The following FBXO4 variants were observed in gnomAD, a reference collection of about 807,000 sequenced individuals.
The protein encoded by FBXO4 is F-box protein 4, also known as F-box only protein 4.
FBXO4 carries 36 observed loss-of-function variants against 43.7 expected under a neutral mutation model. The ratio of observed to expected loss-of-function variants is 0.82; its 90% CI spans 0.63 to 1.09. The LOEUF is 1.09. FBXO4 is among the 50% of genes least tolerant of loss of function. The pLI is 0.00. For synonymous variants in FBXO4, 180 were observed against 165.6 expected (o/e 1.09, Z -0.67); for missense variants, 435 against 474.1 (o/e 0.92, Z 0.77).
downstream of FBXO4, among the ~76,000 whole-genome samples, chr5:41,943,182 A>T (rs1481373460): frequency 6.6e-6 from 1 of 152,156 alleles, no homozygotes; most frequent in African/African-American, 2.4e-5. Context: ...AAATCCTCTT[A>T]TCCAAGTTAA....
intron 1 of FBXO4, 145 bp from the exon 2 acceptor site, chr5:41,926,868 T>C: frequency 1.9e-6 from 1 of 512,986 alleles, no homozygotes; most frequent in Non-Finnish European, 3.4e-6. Flanking sequence ...AGGAAAATAA[T>C]AGATTTAATT....
the FBXO4 span, among the ~76,000 whole-genome samples, chr5:41,999,503 A>ACGTATATATATG: frequency 8.4e-4 from 57 of 67,518 alleles, no homozygotes; most frequent in African/African-American, 3.9e-3. Context: ...ACATATATAT[A>ACGTATATATATG]TGTGTATATA....
the FBXO4 span, among the ~76,000 whole-genome samples, chr5:41,972,391 G>C: frequency 2.6e-5 from 4 of 152,026 alleles, no homozygotes; most frequent in African/African-American, 7.2e-5. Flanking sequence ...AGCTAACAAG[G>C]GAGGTGAAAG....
the FBXO4 span, among the ~76,000 whole-genome samples, chr5:41,988,941 G>T: frequency 6.6e-6 from 1 of 152,148 alleles, no homozygotes; most frequent in Non-Finnish European, 1.5e-5. Context: ...GCTGTGGAAA[G>T]CACTTAACCA....
At chr5:42,031,431 G>A in the FBXO4 span, among the ~76,000 whole-genome samples, 1 of 148,332 alleles carries the variant, frequency 6.7e-6, no homozygotes, top group Admixed American at 6.8e-5. Context: ...GACACAGGAA[G>A]GGGAACATCA....
At chr5:41,981,160 T>C in the FBXO4 span, among the ~76,000 whole-genome samples, 9 of 152,096 alleles carry the variant, frequency 5.9e-5, no homozygotes, top group Non-Finnish European at 1.2e-4. Flanking sequence ...CCTGTATATA[T>C]AATTTAAAAT....
the FBXO4 span, chr5:41,968,022 C>A: frequency 2.4e-6 from 1 of 416,156 alleles, no homozygotes; most frequent in South Asian, 1.9e-5. Context: ...GCTCCTCCAC[C>A]TCCTGCCGCA....
chr5:42,002,936 G>A, the FBXO4 span, among the ~76,000 whole-genome samples: 1 of 152,146 alleles, frequency 6.6e-6, no homozygotes, highest in East Asian at 1.9e-4. Context: ...TTGCATTTTG[G>A]CTTATAAAGC....
chr5:42,015,967 A>G, the FBXO4 span, among the ~76,000 whole-genome samples: 1 of 152,158 alleles, frequency 6.6e-6, no homozygotes, highest in Non-Finnish European at 1.5e-5. Flanking sequence ...GGATGTGCTT[A>G]GGGAGTCAGG....
At chr5:42,014,444 CTAAT>C in the FBXO4 span, among the ~76,000 whole-genome samples, 1 of 152,132 alleles carries the variant, frequency 6.6e-6, no homozygotes, top group African/African-American at 2.4e-5. Flanking sequence ...ACATGCATCC[CTAAT>C]TGAGAACAAT....
chr5:41,963,446 G>C, the FBXO4 span, among the ~76,000 whole-genome samples: 7 of 152,118 alleles, frequency 4.6e-5, no homozygotes, highest in South Asian at 4.2e-4. Context: ...CTTGAACAAC[G>C]TGAGGGTTAG....
At chr5:42,037,701 A>T in the FBXO4 span, among the ~76,000 whole-genome samples, 2 of 152,106 alleles carry the variant, frequency 1.3e-5, no homozygotes, top group East Asian at 3.9e-4. Flanking sequence ...AACTACTGAC[A>T]TCCACTGGTC....
At chr5:42,015,451 C>A in the FBXO4 span, among the ~76,000 whole-genome samples, 1 of 152,174 alleles carries the variant, frequency 6.6e-6, no homozygotes, top group East Asian at 1.9e-4. Context: ...ATAGAGGGGA[C>A]TTTGTCTTCT....
chr5:41,955,233 A>G, the FBXO4 span, among the ~76,000 whole-genome samples: 4 of 152,322 alleles, frequency 2.6e-5, no homozygotes, highest in East Asian at 5.8e-4. Context: ...AATTCAATAT[A>G]TCATATAGAA....
intron 5 of FBXO4, chr5:41,934,835 G>C (rs1751807766): frequency 1.0e-5 from 10 of 988,010 alleles, no homozygotes; most frequent in Non-Finnish European, 1.2e-5. Context: ...TTGCCATTCA[G>C]AATGCTATTT....
At chr5:41,972,673 T>C in the FBXO4 span, among the ~76,000 whole-genome samples, 1 of 152,114 alleles carries the variant, frequency 6.6e-6, no homozygotes, top group Admixed American at 6.5e-5. Context: ...AACTTCAAAC[T>C]ATACTACAAG....
chr5:41,933,392 T>C (rs942988895), intron 3 of FBXO4, among the ~76,000 whole-genome samples: 2 of 152,114 alleles, frequency 1.3e-5, no homozygotes, highest in Non-Finnish European at 2.9e-5. Context: ...TTGTTTTGTA[T>C]TTTTTGTAGA....
At chr5:41,942,790 A>G (rs974927067), downstream of FBXO4, among the ~76,000 whole-genome samples, 2 of 152,150 alleles carry the variant, frequency 1.3e-5, no homozygotes, top group African/African-American at 4.8e-5. Flanking sequence ...TATTTGCAGC[A>G]TGAGATATAA....
rs193062662 is a variant in FBXO4 at position 41,939,912 on chromosome 5, C to T, written c.1074+296C>T. On this transcript the variant is annotated intron_variant, in intron 6 of 6. Coordinates refer to ENST00000281623, the MANE Select transcript of FBXO4 (RefSeq NM_012176.3). ...TTGCTCAGGCTGGAGTGCAGTGGCA[C>T]GATCACAGCTTGCTGCAACCTCAAC... Among the ~76,000 whole-genome samples the T allele has an allele frequency of 4.1e-3, 568 of 137,036 alleles. 5 individuals carry two copies. The highest frequency in any genetic ancestry group is 0.014 in the African/African-American group (520 of 35,864). The allele number at this position is 137,036 out of a possible 152,430, so 89.9% of individuals were successfully genotyped here. A position where few individuals can be genotyped will look rare whatever the true frequency, so the allele number is the denominator to read the frequency against.
Sources: gnomAD v4.1 joint callset for allele counts (sites outside exome capture counted in the v4.1 genomes callset) on GRCh38, gnomAD v4.1.1 for gene constraint, MANE v1.5 for transcripts, NCBI Gene and HGNC (gene_info 2026-07-23, HGNC 2026-07-21) for gene names.